The following SUCLG2 variants were observed in gnomAD, a reference collection of about 807,000 sequenced individuals.
SUCLG2 encodes succinate--CoA ligase [GDP-forming] subunit beta, mitochondrial.
SUCLG2 carries 42 observed loss-of-function variants against 47.9 expected under a neutral mutation model. That is an observed-to-expected ratio of 0.88 (90% CI 0.69 to 1.14). The LOEUF (loss-of-function observed/expected upper bound fraction) is 1.14, where lower values mean the gene tolerates loss of function less well. Among genes scored for constraint, SUCLG2 ranks in the 50% most tolerant of loss-of-function variants. The pLI is 0.00. For synonymous variants in SUCLG2, 195 were observed against 197.3 expected, an observed-to-expected ratio of 0.99 and a Z score of 0.10; for missense variants, 571 against 525.9, an observed-to-expected ratio of 1.09 and a Z score of -0.84.
intron 10 of SUCLG2, among the ~76,000 whole-genome samples, chr3:67,391,087 G>A (rs1330722173): frequency 6.6e-5 from 10 of 152,002 alleles, no homozygotes; most frequent in Admixed American, 3.9e-4. Context: ...AATACCAAAA[G>A]GTTTGTTTCA....
intron 2 of SUCLG2, among the ~76,000 whole-genome samples, chr3:67,576,011 G>T (rs1183355641): frequency 6.6e-6 from 1 of 152,180 alleles, no homozygotes; most frequent in Non-Finnish European, 1.5e-5. Flanking sequence ...CAGGGGCCTT[G>T]ACTGGGAATC....
intron 1 of SUCLG2, among the ~76,000 whole-genome samples, chr3:67,651,413 C>T (rs1297948688): frequency 1.3e-5 from 2 of 152,238 alleles, no homozygotes; most frequent in African/African-American, 4.8e-5. Context: ...CACTCTTCCC[C>T]TTAGTCTCAC....
chr3:67,507,530 GA>G (rs11425840), intron 7 of SUCLG2, among the ~76,000 whole-genome samples: 5,442 of 123,080 alleles, frequency 0.044, 264 homozygotes, highest in African/African-American at 0.13. Context: ...TGAAAAGATT[GA>G]AAAAAAAAAA....
intron 9 of SUCLG2, among the ~76,000 whole-genome samples, chr3:67,403,935 G>C (rs927617184): frequency 6.6e-6 from 1 of 152,076 alleles, no homozygotes; most frequent in Non-Finnish European, 1.5e-5. Flanking sequence ...ACCCAGGCTG[G>C]AGTGCAGTGG....
chr3:67,643,625 G>C (rs1701141574), intron 1 of SUCLG2, among the ~76,000 whole-genome samples: 1 of 152,182 alleles, frequency 6.6e-6, no homozygotes, highest in Non-Finnish European at 1.5e-5. Context: ...GGGCTGGGGT[G>C]CTCTCACAAC....
At chr3:67,630,832 T>C (rs967828723) in intron 1 of SUCLG2, among the ~76,000 whole-genome samples, 2 of 152,232 alleles carry the variant, frequency 1.3e-5, no homozygotes, top group Admixed American at 6.5e-5. Context: ...TAATCAACTG[T>C]CCTGAACTAA....
intron 9 of SUCLG2, among the ~76,000 whole-genome samples, chr3:67,415,266 C>G (rs776727289): frequency 6.6e-6 from 1 of 152,084 alleles, no homozygotes; most frequent in Non-Finnish European, 1.5e-5. Context: ...AGAAACCAAG[C>G]AAGTTTGGAG....
intron 9 of SUCLG2, among the ~76,000 whole-genome samples, chr3:67,485,666 C>A (rs1484194248): frequency 6.6e-6 from 1 of 152,114 alleles, no homozygotes; most frequent in East Asian, 1.9e-4. Flanking sequence ...AAATATCACA[C>A]TTTTAGTAGG....
At chr3:67,548,502 T>C (rs1387255664) in intron 2 of SUCLG2, among the ~76,000 whole-genome samples, 1 of 151,900 alleles carries the variant, frequency 6.6e-6, no homozygotes, top group African/African-American at 2.4e-5. Flanking sequence ...AGTTTAAAAA[T>C]ATTAGAGTTT....
Position 67,554,015 on chromosome 3 carries a change from C to T in SUCLG2, c.227-24829G>A, listed in dbSNP as rs568414156. Reference sequence around the variant, plus strand: ...GGGTTAAAAGTAACATAACCAGTAACTAAATACTTTTGAATCCCATGTCAT... The same window carrying T: ...GGGTTAAAAGTAACATAACCAGTAATTAAATACTTTTGAATCCCATGTCAT... On this transcript the variant is annotated intron_variant, in intron 2 of 10. Coordinates refer to ENST00000307227, the MANE Select transcript of SUCLG2 (RefSeq NM_003848.4). Among the ~76,000 whole-genome samples, 4 of 152,250 alleles carry T rather than the reference C, an allele frequency of 2.6e-5. No homozygotes were observed. In the South Asian group the frequency reaches 8.3e-4, roughly 32 times the overall value.
downstream of SUCLG2, among the ~76,000 whole-genome samples, chr3:67,372,323 T>C (rs1263938894): frequency 6.6e-6 from 1 of 152,214 alleles, no homozygotes; most frequent in African/African-American, 2.4e-5. Context: ...TCTCACTTTG[T>C]CACAATTTCC....
intron 10 of SUCLG2, among the ~76,000 whole-genome samples, chr3:67,385,979 G>T (rs779247065): frequency 6.6e-6 from 1 of 152,184 alleles, no homozygotes; most frequent in Non-Finnish European, 1.5e-5. Context: ...TGGCCTTCCT[G>T]AGAGGCTAGA....
At chr3:67,625,349 G>A (rs1700808292) in intron 1 of SUCLG2, among the ~76,000 whole-genome samples, 1 of 152,098 alleles carries the variant, frequency 6.6e-6, no homozygotes, top group African/African-American at 2.4e-5. Context: ...CAAGTTTGCT[G>A]GCAAAGTAAA....
chr3:67,565,321 A>G (rs1336411992), intron 2 of SUCLG2, among the ~76,000 whole-genome samples: 1 of 152,224 alleles, frequency 6.6e-6, no homozygotes, highest in Admixed American at 6.5e-5. Flanking sequence ...TCTACTAAAT[A>G]CAATATAGTC....
At chr3:67,484,364 C>A (rs139008194) in intron 9 of SUCLG2, among the ~76,000 whole-genome samples, 1 of 152,134 alleles carries the variant, frequency 6.6e-6, no homozygotes, top group African/African-American at 2.4e-5. Flanking sequence ...TGACTTATTA[C>A]GCTTTTCTTC....
intron 1 of SUCLG2, among the ~76,000 whole-genome samples, chr3:67,644,056 G>A (rs1701149293): frequency 6.6e-6 from 1 of 152,102 alleles, no homozygotes; most frequent in Non-Finnish European, 1.5e-5. Context: ...AACATTATCA[G>A]GAAAGATATT....
intron 9 of SUCLG2, among the ~76,000 whole-genome samples, chr3:67,402,240 C>A (rs778617439): frequency 7.2e-5 from 11 of 152,174 alleles, no homozygotes; most frequent in Non-Finnish European, 1.5e-4. Flanking sequence ...GAAATGTTTA[C>A]CACATGGCTT....
At chr3:67,459,009 T>C (rs1704259491) in intron 9 of SUCLG2, among the ~76,000 whole-genome samples, 1 of 152,196 alleles carries the variant, frequency 6.6e-6, no homozygotes, top group South Asian at 2.1e-4. Flanking sequence ...ATGATTTAAA[T>C]TGTTATGTGG....
chr3:67,568,804 G>A (rs888856266), intron 2 of SUCLG2, among the ~76,000 whole-genome samples: 1 of 152,020 alleles, frequency 6.6e-6, no homozygotes, highest in African/African-American at 2.4e-5. Context: ...GGAGAATGGC[G>A]TGAACCCGGG....
Sources: allele counts gnomAD v4.1 joint callset (sites outside exome capture counted in the v4.1 genomes callset), GRCh38; gene constraint gnomAD v4.1.1; transcripts MANE v1.5; gene names NCBI Gene and HGNC (gene_info 2026-07-23, HGNC 2026-07-21).